The following OR4K13 variants were observed in gnomAD, a reference collection of about 807,000 sequenced individuals.
The protein encoded by OR4K13 is olfactory receptor 4K13.
For synonymous variants in OR4K13, 160 were observed against 134.8 expected (o/e 1.19, Z -1.30); for missense variants, 403 against 366.0 (o/e 1.10, Z -0.82).
In OR4K13 at chr14:20,034,646, A is replaced by C; in HGVS notation, c.113T>G (p.Ile38Ser). The C allele has an allele frequency of 6.2e-7, 1 of 1,614,020 alleles. No homozygotes were observed. The highest frequency in any genetic ancestry group is 8.5e-7 in the Non-Finnish European group (1 of 1,179,966). ...FLGFSVVFVG[I>S]VLGNLLILVT... is the part of the protein sequence containing the mutation. ...CAAGATGAGCAGGTTTCCTAACACA[A>C]TCCCCACGAAGACCACAGAGAATCC... is the stretch of plus-strand genomic sequence containing the variant. Residue 38 changes from isoleucine to serine, a missense_variant, in exon 2 of 2, where the codon ATT becomes AGT. By Grantham distance (142) the Ile-to-Ser change is moderately radical. Coordinates refer to ENST00000641904, the MANE Select transcript of OR4K13 (RefSeq NM_001004714.2).
At position 20,033,909 on chromosome 14, in the gene OR4K13, G is replaced by A. The variant is rs1877486531; in HGVS notation, c.850C>T (p.Pro284Ser). ...TGATTTCTTAATGTATAAATAATAG[G>A]ATTTAAGAGAGGTGTGAAAATTGTG... ...FYTIFTPLLNPIIYTLRNQEV... is the reference protein window; with the variant it reads ...FYTIFTPLLNSIIYTLRNQEV... Residue 284 changes from proline to serine, a missense_variant, in exon 2 of 2, where the codon CCT becomes TCT. By Grantham distance (74) the Pro-to-Ser change is moderately conservative (BLOSUM62 -1). Coordinates refer to ENST00000641904, the MANE Select transcript of OR4K13 (RefSeq NM_001004714.2). The A allele has an allele frequency of 2.5e-6, 4 of 1,590,086 alleles. No homozygotes were observed. The highest frequency in any genetic ancestry group is 3.5e-6 in the Non-Finnish European group (4 of 1,158,706).
Position 20,032,283 on chromosome 14 carries a change from G to A in OR4K13, c.*1561C>T, listed in dbSNP as rs1266385996. ...GTCTTACAACACAAGGCTACATTCTGAGATTCAGAAAGAAAGAAAAAAAAA... is the reference window on the plus strand; with the variant it reads ...GTCTTACAACACAAGGCTACATTCTAAGATTCAGAAAGAAAGAAAAAAAAA... On this transcript the variant is annotated 3_prime_UTR_variant, in exon 2 of 2. Coordinates refer to ENST00000641904, the MANE Select transcript of OR4K13 (RefSeq NM_001004714.2). 4.6e-5 allele frequency: 7 copies of A among 152,138 alleles called. No homozygotes were observed. In the East Asian group the frequency reaches 1.3e-3, roughly 29 times the overall value. 9.4% of individuals were successfully genotyped at this position (152,138 alleles called of 1,614,324 possible). A position where few individuals can be genotyped will look rare whatever the true frequency, so the allele number is the denominator to read the frequency against.
rs1056431699 is a variant in OR4K13 at position 20,033,736 on chromosome 14, G to T, written c.*108C>A. 3 of 626,768 alleles carry T rather than the reference G, an allele frequency of 4.8e-6. No homozygotes were observed. Among genetic ancestry groups the T allele is most frequent in the Non-Finnish European group, 8.1e-6 (3 of 370,214 alleles). 38.8% of individuals were successfully genotyped at this position (626,768 alleles called of 1,614,324 possible). ...GTCATTTACTTTAATGGCAAAAACC[G>T]CAATGACTTTTGCACGAACCTGATA... On this transcript the variant is annotated 3_prime_UTR_variant, in exon 2 of 2. Transcript: ENST00000641904.
rs1362829560 is a variant in OR4K13, at chr14:20,034,552, A to G, written c.207T>C (p.Ile69=). ...MYFLLSNLSC[I]DMILASFATP... ...TAGCAAAAGAAGCCAGGATCATATC[A>G]ATGCAGGAGAGGTTGCTAAGCAGAA... The change falls in exon 2 of 2, where the codon ATT becomes ATC. Residue 69 remains isoleucine, a synonymous_variant. Transcript: ENST00000641904. 1 of 1,613,970 alleles carries G rather than the reference A, an allele frequency of 6.2e-7. No homozygotes were observed. The highest frequency in any genetic ancestry group is 8.5e-7 in the Non-Finnish European group (1 of 1,179,990).
In OR4K13 at chr14:20,034,662, CAG is replaced by C. The variant is rs1877523805; in HGVS notation, c.95_96del (p.Ser32CysfsTer20). The C allele has an allele frequency of 1.2e-6, 2 of 1,613,744 alleles. No homozygotes were observed. The highest frequency in any genetic ancestry group is 3.3e-5 in the Admixed American group (2 of 59,932). On this transcript the variant is annotated frameshift_variant, in exon 2 of 2. Coordinates refer to ENST00000641904, the MANE Select transcript of OR4K13 (RefSeq NM_001004714.2). LOFTEE classifies it low-confidence loss of function (END_TRUNC). ...NLQILFFLGFSVVFVGIVLGN... is the reference protein window; with the variant it reads ...NLQILFFLGFXVVFVGIVLGN... ...CCTAACACAATCCCCACGAAGACCA[CAG>C]AGAATCCCAAGAAGAATAAAATCTG...
At position 20,034,391 on chromosome 14, in the gene OR4K13, T is replaced by C. The variant is rs1877511795; in HGVS notation, c.368A>G (p.Tyr123Cys). ...ATGGAGGGGTTTGCATATGGCAACA[T>C]ACCTGTCTATTGCCATGGCTACAAG... ...MLLVAMAIDR[Y>C]VAICKPLHYM... Residue 123 changes from tyrosine to cysteine, a missense_variant, in exon 2 of 2, where the codon TAT (tyrosine) becomes TGT (cysteine). Tyr to Cys is a radical substitution (Grantham distance 194, BLOSUM62 -2). Coordinates refer to ENST00000641904, the MANE Select transcript of OR4K13 (RefSeq NM_001004714.2). 1 of 1,613,968 alleles carries C rather than the reference T, an allele frequency of 6.2e-7. No homozygotes were observed. The highest frequency in any genetic ancestry group is 1.3e-5 in the African/African-American group (1 of 75,010).
Position 20,034,618 on chromosome 14 carries a change from C to T in OR4K13, c.141G>A (p.Val47=). Residue 47 remains valine (V), a synonymous_variant, in exon 2 of 2, where the codon GTG becomes GTA. Transcript: ENST00000641904. ...GIVLGNLLIL[V]TVTFDSLLHT... is the part of the protein sequence containing the mutation. ...GAAGGAGCGAATCAAAGGTCACAGT[C>T]ACCAAGATGAGCAGGTTTCCTAACA... The T allele has an allele frequency of 6.2e-7, 1 of 1,613,926 alleles. No individual in the cohort carries two copies. The highest frequency in any genetic ancestry group is 2.2e-5 in the East Asian group (1 of 44,864).
In OR4K13 at chr14:20,030,551, G is replaced by C. The variant is rs575555972; in HGVS notation, c.*3293C>G. ...CTTGTGAGTCCTGAACAAATTCATAGGTAGAATTGTGAATAGGAAGAGACA... is the reference window on the plus strand; with the variant it reads ...CTTGTGAGTCCTGAACAAATTCATACGTAGAATTGTGAATAGGAAGAGACA... On this transcript the variant is annotated 3_prime_UTR_variant, in exon 2 of 2. Coordinates refer to ENST00000641904, the MANE Select transcript of OR4K13 (RefSeq NM_001004714.2). The C allele has an allele frequency of 6.6e-6, 1 of 152,184 alleles. No homozygotes were observed. Among genetic ancestry groups the C allele is most frequent in the East Asian group, 1.9e-4 (1 of 5,176 alleles). The allele number at this position is 152,184 out of a possible 1,614,324, so 9.4% of individuals were successfully genotyped here.
rs1380426074 is a variant in OR4K13 at position 20,030,475 on chromosome 14, G to A, written c.*3369C>T. The A allele has an allele frequency of 5.3e-5, 8 of 152,102 alleles. No homozygotes were observed. Among genetic ancestry groups the A allele is most frequent in the Admixed American group, 5.2e-4 (8 of 15,268 alleles). The allele number at this position is 152,102 out of a possible 1,614,324, so 9.4% of individuals were successfully genotyped here. ...AAATGAAACAAAAAGCTTAATATTT[G>A]TACTATGAATTGATTGTAGGGTTCT... On this transcript the variant is annotated 3_prime_UTR_variant, in exon 2 of 2. Coordinates refer to ENST00000641904, the MANE Select transcript of OR4K13 (RefSeq NM_001004714.2).
intron 1 of OR4K13, chr14:20,035,690 C>T (rs1469088831): frequency 1.8e-4 from 28 of 151,916 alleles, no homozygotes; most frequent in Admixed American, 6.6e-5. Context: ...GTATGGTTGT[C>T]ATAGGTTTCA....
chr14:20,035,184 A>G (rs1877537370), intron 1 of OR4K13, among the ~76,000 whole-genome samples: 1 of 152,094 alleles, frequency 6.6e-6, no homozygotes, highest in Non-Finnish European at 1.5e-5. Context: ...TTTCTGCTAT[A>G]AAGATCTCTA....
Position 20,032,890 on chromosome 14 carries a change from A to G in OR4K13, c.*954T>C, listed in dbSNP as rs1468677208. ...CCTCTCTATCTCATCTCTCAACATC[A>G]TAGCCCATGACCCAGCTCAATGAAA... On this transcript the variant is annotated 3_prime_UTR_variant, in exon 2 of 2. Coordinates refer to ENST00000641904, the MANE Select transcript of OR4K13 (RefSeq NM_001004714.2). 1 of 152,184 alleles carries G rather than the reference A, an allele frequency of 6.6e-6. No individual in the cohort carries two copies. Among genetic ancestry groups the G allele is most frequent in the East Asian group, 1.9e-4 (1 of 5,198 alleles). 9.4% of individuals were successfully genotyped at this position (152,184 alleles called of 1,614,324 possible). A position where few individuals can be genotyped will look rare whatever the true frequency, so the allele number is the denominator to read the frequency against.
Position 20,034,772 on chromosome 14 carries a change from TC to T in OR4K13, c.-15del, listed in dbSNP as rs777756677. ...TGCTCTTTCCATATCGTCAACTTTATCCCATAATGATCAAAATAAGTGAGAA... is the reference window on the plus strand; with the variant it reads ...TGCTCTTTCCATATCGTCAACTTTATCCATAATGATCAAAATAAGTGAGAA... On this transcript the variant is annotated 5_prime_UTR_variant, in exon 2 of 2. It removes the in-frame stop codon of an upstream open reading frame in the 5' UTR. Transcript: ENST00000641904. 1.3e-6 allele frequency: 2 copies of T among 1,578,336 alleles called. No individual in the cohort carries two copies. The highest frequency in any genetic ancestry group is 2.2e-5 in the East Asian group (1 of 44,664).
In OR4K13 at chr14:20,033,965, TA is replaced by T. The variant is rs757860170; in HGVS notation, c.793del (p.Tyr265ThrfsTer3). ...CACAGAAAGAATTTTATCTACCGAGTATCTGCTGAAGGGCCAGACGTAGATA... is the reference window on the plus strand; with the variant it reads ...CACAGAAAGAATTTTATCTACCGAGTTCTGCTGAAGGGCCAGACGTAGATA... ...VFIYVWPFSR[Y>X]SVDKILSVFY... On this transcript the variant is annotated frameshift_variant, in exon 2 of 2. Coordinates refer to ENST00000641904, the MANE Select transcript of OR4K13 (RefSeq NM_001004714.2). LOFTEE classifies it low-confidence loss of function (END_TRUNC). 5.6e-6 allele frequency: 9 copies of T among 1,613,066 alleles called. No individual in the cohort carries two copies. The highest frequency in any genetic ancestry group is 6.8e-6 in the Non-Finnish European group (8 of 1,179,210).
chr14:20,033,714 ATTTAC>A lies in OR4K13; in HGVS notation c.*125_*129del, dbSNP rs765201802. The A allele has an allele frequency of 1.7e-6, 1 of 579,306 alleles. No individual in the cohort carries two copies. Among genetic ancestry groups the A allele is most frequent in the Non-Finnish European group, 3.0e-6 (1 of 331,870 alleles). The allele number at this position is 579,306 out of a possible 1,614,324, so 35.9% of individuals were successfully genotyped here. A position where few individuals can be genotyped will look rare whatever the true frequency, so the allele number is the denominator to read the frequency against. On this transcript the variant is annotated 3_prime_UTR_variant, in exon 2 of 2. Transcript: ENST00000641904. ...TTTTTGCCATTACTTTAATTTTGTC[ATTTAC>A]TTTAATGGCAAAAACCGCAATGACT... is the stretch of plus-strand genomic sequence containing the variant.
In OR4K13 at chr14:20,034,564, G is replaced by A. The variant is rs372694547; in HGVS notation, c.195C>T (p.Asn65=). 1.1e-5 allele frequency: 18 copies of A among 1,613,592 alleles called. No homozygotes were observed. The South Asian group carries it at 2.0e-4, about 18-fold the overall frequency. ...CCAGGATCATATCAATGCAGGAGAG[G>A]TTGCTAAGCAGAAAATACATTGGTG... ...LHTPMYFLLS[N]LSCIDMILAS... is the part of the protein sequence containing the mutation. The change falls in exon 2 of 2, where the codon AAC becomes AAT. Residue 65 remains asparagine (N), a synonymous_variant. Coordinates refer to ENST00000641904, the MANE Select transcript of OR4K13 (RefSeq NM_001004714.2).
chr14:20,033,586 T>C lies in OR4K13; in HGVS notation c.*258A>G, dbSNP rs1305585750. 1.1e-5 allele frequency: 3 copies of C among 284,036 alleles called. No homozygotes were observed. Among genetic ancestry groups the C allele is most frequent in the Non-Finnish European group, 2.0e-5 (3 of 149,958 alleles). 17.6% of individuals were successfully genotyped at this position (284,036 alleles called of 1,614,324 possible). On this transcript the variant is annotated 3_prime_UTR_variant, in exon 2 of 2. Transcript: ENST00000641904. ...AAGCCAAACTGTAGATATTATGTGT[T>C]TGACCATAAAAGATCACAAAAAGGT...
Position 20,034,534 on chromosome 14 carries a change from A to G in OR4K13, c.225T>C (p.Ser75=), listed in dbSNP as rs1442871449. 2 of 1,614,044 alleles carry G rather than the reference A, an allele frequency of 1.2e-6. No homozygotes were observed. Among genetic ancestry groups the G allele is most frequent in the Non-Finnish European group, 1.7e-6 (2 of 1,179,988 alleles). The change falls in exon 2 of 2, where the codon TCT becomes TCC. Residue 75 remains serine, a synonymous_variant. Coordinates refer to ENST00000641904, the MANE Select transcript of OR4K13 (RefSeq NM_001004714.2). The stretch of plus-strand genomic sequence containing the variant: ...CTACAATCATCTTAGGGGTAGCAAA[A>G]GAAGCCAGGATCATATCAATGCAGG... ...NLSCIDMILA[S]FATPKMIVDF...
In OR4K13 at chr14:20,034,290, A is replaced by G. The variant is rs776971619; in HGVS notation, c.469T>C (p.Ser157Pro). The G allele has an allele frequency of 1.2e-6, 2 of 1,614,054 alleles. No homozygotes were observed. The highest frequency in any genetic ancestry group is 1.7e-6 in the Non-Finnish European group (2 of 1,180,032). The change falls in exon 2 of 2, where the codon TCT (serine) becomes CCT (proline). Residue 157 changes from serine (S) to proline (P), a missense_variant. Physicochemically the swap from Ser to Pro is moderately conservative, Grantham distance 74. Coordinates refer to ENST00000641904, the MANE Select transcript of OR4K13 (RefSeq NM_001004714.2). ...SSYAVGFVHS[S>P]SQMAFMLTLP... ...GTCAACATGAAAGCCATTTGACTAG[A>G]TGAGTGCACAAATCCAACTGCATAG...
Sources: gnomAD v4.1 joint callset for allele counts (sites outside exome capture counted in the v4.1 genomes callset) on GRCh38, gnomAD v4.1.1 for gene constraint, MANE v1.5 for transcripts, NCBI Gene and HGNC (gene_info 2026-07-23, HGNC 2026-07-21) for gene names.